CDH13: variants seen among roughly 807,000 people sequenced by gnomAD.
CDH13 encodes cadherin 13, also known as cadherin-13.
CDH13 carries 24 observed loss-of-function variants against 63.8 expected under a neutral mutation model. That is an observed-to-expected ratio of 0.38 (90% CI 0.27 to 0.53). The LOEUF (loss-of-function observed/expected upper bound fraction) is 0.53, where lower values mean the gene tolerates loss of function less well. Ranked by LOEUF, CDH13 falls within the 20% of genes least tolerant of loss-of-function variation. CDH13 has a pLI of 0.85. For missense variants in CDH13, 1,049 were observed against 903.1 expected (o/e 1.16, Z -2.07); for synonymous variants, 503 against 355.3 (o/e 1.42, Z -4.67).
intron 5 of CDH13, among the ~76,000 whole-genome samples, chr16:83,232,464 G>C (rs1378604610): frequency 6.6e-6 from 1 of 151,470 alleles, no homozygotes. Context: ...GGCAGAAGTT[G>C]CAGTGAGCCA....
At position 83,475,061 on chromosome 16, in the gene CDH13, C is replaced by T. The variant is rs537376365; in HGVS notation, c.782-11416C>T. Reference sequence around the variant, plus strand: ...CCATCTGGCTCCTGGCTCTTGACCACGACTGGCTGCGTGATTTGCAGAGCC... The same window carrying T: ...CCATCTGGCTCCTGGCTCTTGACCATGACTGGCTGCGTGATTTGCAGAGCC... On this transcript the variant is annotated intron_variant, in intron 6 of 13. Coordinates refer to ENST00000567109, the MANE Select transcript of CDH13 (RefSeq NM_001257.5). Among the ~76,000 whole-genome samples, 129 of 152,352 alleles carry T rather than the reference C, an allele frequency of 8.5e-4. No homozygotes were observed. The South Asian group carries it at 0.024, about 29-fold the overall frequency.
chr16:83,128,461 G>C (rs576215150), intron 4 of CDH13, among the ~76,000 whole-genome samples: 3 of 152,216 alleles, frequency 2.0e-5, no homozygotes, highest in Admixed American at 6.5e-5. Flanking sequence ...GGGCTGACCT[G>C]AAATGCACTT....
chr16:83,644,823 C>T (rs8060540), intron 8 of CDH13, among the ~76,000 whole-genome samples: 151,825 of 152,340 alleles, frequency 1, 75,657 homozygotes, highest in Middle Eastern at 1. Flanking sequence ...CATGCTTCCA[C>T]GGGCATGAAC....
intron 4 of CDH13, among the ~76,000 whole-genome samples, chr16:83,186,978 A>ATT (rs34326819): frequency 2.0e-5 from 3 of 150,664 alleles, no homozygotes; most frequent in African/African-American, 4.9e-5. Flanking sequence ...TATTACTGTA[A>ATT]TTTTTTTTTT....
intron 2 of CDH13, among the ~76,000 whole-genome samples, chr16:83,031,208 T>TGC (rs1916281563): frequency 6.8e-6 from 1 of 146,950 alleles, no homozygotes; most frequent in African/African-American, 2.5e-5. Context: ...TGCGCATGTA[T>TGC]ACACCATATA....
chr16:82,876,104 T>G (rs2040493920), intron 2 of CDH13, among the ~76,000 whole-genome samples: 1 of 152,200 alleles, frequency 6.6e-6, no homozygotes, highest in Non-Finnish European at 1.5e-5. Context: ...CCCATCTCCA[T>G]AATTCAGTCA....
chr16:83,404,634 C>T (rs28393265), intron 6 of CDH13, among the ~76,000 whole-genome samples: 1,769 of 152,256 alleles, frequency 0.012, 35 homozygotes, highest in African/African-American at 0.041. Flanking sequence ...AATACACACA[C>T]CAAATATTTC....
chr16:82,686,844 AAC>A (rs1365383872), intron 1 of CDH13, among the ~76,000 whole-genome samples: 1 of 152,198 alleles, frequency 6.6e-6, no homozygotes, highest in African/African-American at 2.4e-5. Context: ...CACCATGTGG[AAC>A]AACACAGGGA....
chr16:82,691,613 C>G (rs961991769), intron 1 of CDH13, among the ~76,000 whole-genome samples: 1 of 152,114 alleles, frequency 6.6e-6, no homozygotes, highest in African/African-American at 2.4e-5. Context: ...TATAGATCCA[C>G]TCTGGGGAAA....
At chr16:82,635,405 G>T (rs1908532834) in intron 1 of CDH13, among the ~76,000 whole-genome samples, 1 of 152,212 alleles carries the variant, frequency 6.6e-6, no homozygotes, top group Non-Finnish European at 1.5e-5. Flanking sequence ...CAGTCTGGGT[G>T]AAGCCTCTAT....
At chr16:82,837,406 A>C (rs1004466004) in intron 1 of CDH13, among the ~76,000 whole-genome samples, 1 of 151,536 alleles carries the variant, frequency 6.6e-6, no homozygotes, top group East Asian at 2.0e-4. Flanking sequence ...AGAGGTCCCC[A>C]AGACCACCCC....
intron 11 of CDH13, among the ~76,000 whole-genome samples, chr16:83,756,459 CCA>C (rs1233392925): frequency 2.0e-5 from 3 of 152,224 alleles, no homozygotes; most frequent in Admixed American, 6.5e-5. Flanking sequence ...CTTGTCCAAC[CCA>C]CAGCCTGTGG....
chr16:83,698,927 A>G (rs1905791672), intron 10 of CDH13, among the ~76,000 whole-genome samples: 1 of 152,254 alleles, frequency 6.6e-6, no homozygotes, highest in Non-Finnish European at 1.5e-5. Flanking sequence ...ACAGGGAGTC[A>G]GAGGGCCAGA....
intron 7 of CDH13, among the ~76,000 whole-genome samples, chr16:83,544,038 G>T (rs1432609283): frequency 6.6e-6 from 1 of 152,196 alleles, no homozygotes; most frequent in African/African-American, 2.4e-5. Context: ...AATCACTACT[G>T]CAGTATGAGA....
chr16:83,681,986 A>G lies in CDH13; in HGVS notation c.1538+3525A>G, dbSNP rs79985802. 2.0e-3 allele frequency among the ~76,000 whole-genome samples: 297 copies of G among 152,220 alleles called. 3 individuals carry two copies. Among genetic ancestry groups the G allele is most frequent in the African/African-American group, 6.9e-3 (288 of 41,538 alleles). ...TCTTCTCCTCCTCCTCCTCCACAAAACAGGAATCAGGTGTCTCCTGATAAC... is the reference window on the plus strand; with the variant it reads ...TCTTCTCCTCCTCCTCCTCCACAAAGCAGGAATCAGGTGTCTCCTGATAAC... On this transcript the variant is annotated intron_variant, in intron 10 of 13. Transcript: ENST00000567109.
At chr16:82,725,819 T>G (rs1432767488) in intron 1 of CDH13, among the ~76,000 whole-genome samples, 11 of 152,204 alleles carry the variant, frequency 7.2e-5, no homozygotes, top group Admixed American at 7.2e-4. Context: ...ACCAGGTTAT[T>G]TCAGGCAAGA....
intron 4 of CDH13, among the ~76,000 whole-genome samples, chr16:83,165,390 C>G (rs74031423): frequency 0.051 from 7,833 of 152,178 alleles, 306 homozygotes; most frequent in African/African-American, 0.077. Flanking sequence ...TGGTTGTGTG[C>G]TTAACTCTTC....
intron 4 of CDH13, among the ~76,000 whole-genome samples, chr16:83,181,983 T>C (rs2038362983): frequency 6.6e-6 from 1 of 152,144 alleles, no homozygotes. Context: ...ACACAGAAGC[T>C]GGATTCCCCT....
chr16:82,653,206 G>T (rs1910931758), intron 1 of CDH13, among the ~76,000 whole-genome samples: 1 of 152,100 alleles, frequency 6.6e-6, no homozygotes, highest in Non-Finnish European at 1.5e-5. Flanking sequence ...GGGGGTGGGT[G>T]GATGGTTTCT....
Sources: gnomAD v4.1 joint callset for allele counts (sites outside exome capture counted in the v4.1 genomes callset) on GRCh38, gnomAD v4.1.1 for gene constraint, MANE v1.5 for transcripts, NCBI Gene and HGNC (gene_info 2026-07-23, HGNC 2026-07-21) for gene names.